The following FBXL15 variants were observed in gnomAD, a reference collection of about 807,000 sequenced individuals.
FBXL15 encodes F-box and leucine rich repeat protein 15, also known as F-box/LRR-repeat protein 15.
A neutral mutation model predicts 23.6 loss-of-function variants in FBXL15; 19 were observed. The ratio of observed to expected loss-of-function variants is 0.81; its 90% CI spans 0.56 to 1.18. The LOEUF is 1.18. Ranked by LOEUF, FBXL15 falls within the 50% of genes most tolerant of loss-of-function variation. The pLI, the probability that FBXL15 is intolerant of heterozygous loss-of-function variation, is 0.00. For synonymous variants in FBXL15, 224 were observed against 207.7 expected (o/e 1.08, Z -0.67); for missense variants, 385 against 425.4 (o/e 0.91, Z 0.83).
rs758914812 is a variant in FBXL15, at chr10:102,422,984, G to T, written c.894G>T (p.Leu298=). The part of the protein sequence containing the change: ...DMAGFAPFVN[L]QV ...CGGGCTTCGCACCTTTTGTCAACCT[G>T]CAGGTCTGACCCGCCTGCCAATCGG... The change falls in exon 4 of 4, where the codon CTG becomes CTT. Residue 298 remains leucine (L), a synonymous_variant. Transcript: ENST00000369956. 2 of 1,553,308 alleles carry T rather than the reference G, an allele frequency of 1.3e-6. No individual in the cohort carries two copies. The highest frequency in any genetic ancestry group is 2.4e-5 in the East Asian group (1 of 41,820).
At position 102,421,968 on chromosome 10, in the gene FBXL15, G is replaced by A. The variant is rs773817228; in HGVS notation, c.389G>A (p.Arg130Gln). Residue 130 changes from arginine to glutamine, a missense_variant, in exon 3 of 4, where the codon CGG (arginine) becomes CAG (glutamine). Arg to Gln is a conservative substitution (Grantham distance 43, BLOSUM62 1). This residue lies in a region of FBXL15 where 255 missense variants were observed against 330.2 expected (regional missense o/e 0.77). Transcript: ENST00000369956. ...ALGGCGQLSR[R>Q]ALGALAEGCP... Reference sequence around the variant, plus strand: ...GGCGGCTGCGGGCAACTGAGTCGCCGGGCGCTTGGGGCTTTGGCCGAGGGC... The same window carrying A: ...GGCGGCTGCGGGCAACTGAGTCGCCAGGCGCTTGGGGCTTTGGCCGAGGGC... 86 of 1,597,538 alleles carry A rather than the reference G, an allele frequency of 5.4e-5. No individual in the cohort carries two copies. In the African/African-American group the frequency reaches 1.0e-3, roughly 19 times the overall value.
Position 102,422,018 on chromosome 10 carries a change from C to A in FBXL15, c.439C>A (p.Leu147Ile). Residue 147 changes from leucine to isoleucine, a missense_variant, in exon 3 of 4, where the codon CTC (leucine) becomes ATC (isoleucine). Coordinates refer to ENST00000369956, the MANE Select transcript of FBXL15 (RefSeq NM_024326.4). Reference sequence around the variant, plus strand: ...CTGCCCACGCCTGCAGCGCCTGTCGCTCGCGCACTGTGACTGGGTGGACGG... The same window carrying A: ...CTGCCCACGCCTGCAGCGCCTGTCGATCGCGCACTGTGACTGGGTGGACGG... ...EGCPRLQRLSLAHCDWVDGLA... is the reference protein window; with the variant it reads ...EGCPRLQRLSIAHCDWVDGLA... 1 of 1,595,522 alleles carries A rather than the reference C, an allele frequency of 6.3e-7. No individual in the cohort carries two copies. Among genetic ancestry groups the A allele is most frequent in the Admixed American group, 1.7e-5 (1 of 59,350 alleles).
Position 102,422,174 on chromosome 10 carries a change from T to A in FBXL15, c.595T>A (p.Ser199Thr), listed in dbSNP as rs2061573116. 6.5e-7 allele frequency: 1 copy of A among 1,542,434 alleles called. No individual in the cohort carries two copies. The highest frequency in any genetic ancestry group is 1.4e-5 in the African/African-American group (1 of 72,804). Residue 199 changes from serine to threonine, a missense_variant, in exon 3 of 4, where the codon TCT becomes ACT. By Grantham distance (58) the Ser-to-Thr change is moderately conservative (BLOSUM62 1). Transcript: ENST00000369956. ...GCGCGGCGCTGGTCTCCGCAGCCTC[T>A]CTCTGGCCGTCAACGCCAACGTGGG... ...QRRGAGLRSL[S>T]LAVNANVGDA...
Position 102,420,968 on chromosome 10 carries a change from C to T in FBXL15, c.-162C>T. ...AATGTTACACCACCGGTCTGTTCCG[C>T]CTCCGTTTCGGGGTCCACCCGAAAA... is the stretch of plus-strand genomic sequence containing the variant. On this transcript the variant is annotated 5_prime_UTR_variant, in exon 1 of 4. Coordinates refer to ENST00000369956, the MANE Select transcript of FBXL15 (RefSeq NM_024326.4). 2.0e-6 allele frequency: 3 copies of T among 1,515,692 alleles called. No homozygotes were observed. The highest frequency in any genetic ancestry group is 1.8e-6 in the Non-Finnish European group (2 of 1,128,896). 93.9% of individuals were successfully genotyped at this position (1,515,692 alleles called of 1,614,324 possible).
Position 102,423,007 on chromosome 10 carries a change from C to T in FBXL15, c.*14C>T, listed in dbSNP as rs1445895258. ...CTGCAGGTCTGACCCGCCTGCCAAT[C>T]GGAGCACAGCTGGACTGTGTGGCTG... On this transcript the variant is annotated 3_prime_UTR_variant, in exon 4 of 4. Coordinates refer to ENST00000369956, the MANE Select transcript of FBXL15 (RefSeq NM_024326.4). The surrounding 1 kb of genome is among the most constrained non-coding windows in gnomAD (Gnocchi z 5.6). 7.8e-6 allele frequency: 12 copies of T among 1,530,882 alleles called. No individual in the cohort carries two copies. Among genetic ancestry groups the T allele is most frequent in the Non-Finnish European group, 1.1e-5 (12 of 1,135,786 alleles). 94.8% of individuals were successfully genotyped at this position (1,530,882 alleles called of 1,614,324 possible). A position where few individuals can be genotyped will look rare whatever the true frequency, so the allele number is the denominator to read the frequency against.
At chr10:102,422,445 C>T (rs966257486) in intron 3 of FBXL15, among the ~76,000 whole-genome samples, 153 bp downstream of exon 3, 2 of 152,234 alleles carry the variant, frequency 1.3e-5, no homozygotes, top group African/African-American at 4.8e-5. Context: ...TCTAGGATTG[C>T]CTAGGCCAGA....
intron 3 of FBXL15, 87 bp downstream of exon 3, chr10:102,422,379 G>T: frequency 7.2e-7 from 1 of 1,384,148 alleles, no homozygotes; most frequent in Non-Finnish European, 9.4e-7. Flanking sequence ...AGGCCGGACT[G>T]AGGGTTCTGA....
At chr10:102,422,397 T>C in intron 3 of FBXL15, 105 bp downstream of exon 3, 2 of 1,313,434 alleles carry the variant, frequency 1.5e-6, no homozygotes, top group Non-Finnish European at 2.0e-6. Context: ...TGAATCTTCC[T>C]GCAAACCACA....
Position 102,421,394 on chromosome 10 carries a change from G to T in FBXL15, c.94G>T (p.Val32Phe). ...LPWEDVLLPH[V>F]LNRVPLRQLL... ...CTGGGAAGACGTGCTGCTCCCACAC[G>T]TCCTGAACCGGGTCCCGCTGCGCCA... Residue 32 changes from valine (V) to phenylalanine (F), a missense_variant, in exon 2 of 4, where the codon GTC (valine) becomes TTC (phenylalanine). Physicochemically the swap from Val to Phe is conservative, Grantham distance 50. This residue lies in a region of FBXL15 where 130 missense variants were observed against 95.1 expected (regional missense o/e 1.37). Coordinates refer to ENST00000369956, the MANE Select transcript of FBXL15 (RefSeq NM_024326.4). 6.3e-7 allele frequency: 1 copy of T among 1,576,302 alleles called. No homozygotes were observed. The highest frequency in any genetic ancestry group is 1.1e-5 in the South Asian group (1 of 87,044).
In FBXL15 at chr10:102,422,822, C is replaced by G; in HGVS notation, c.732C>G (p.Cys244Trp). The G allele has an allele frequency of 6.2e-7, 1 of 1,606,400 alleles. No homozygotes were observed. The highest frequency in any genetic ancestry group is 8.5e-7 in the Non-Finnish European group (1 of 1,179,724). Reference protein sequence around the residue: ...SDGVRTLAEYCPVLRSLRVRH... With the variant: ...SDGVRTLAEYWPVLRSLRVRH... ...CCCTCAGGACATTGGCCGAGTACTGCCCCGTGCTGCGTTCGCTGCGGGTGC... is the reference window on the plus strand; with the variant it reads ...CCCTCAGGACATTGGCCGAGTACTGGCCCGTGCTGCGTTCGCTGCGGGTGC... Residue 244 changes from cysteine to tryptophan, a missense_variant, in exon 4 of 4, where the codon TGC becomes TGG. Coordinates refer to ENST00000369956, the MANE Select transcript of FBXL15 (RefSeq NM_024326.4).
In FBXL15 at chr10:102,422,196, TG is replaced by T; in HGVS notation, c.622del (p.Asp208ThrfsTer56). 1 of 1,536,044 alleles carries T rather than the reference TG, an allele frequency of 6.5e-7. No individual in the cohort carries two copies. Among genetic ancestry groups the T allele is most frequent in the Non-Finnish European group, 8.8e-7 (1 of 1,140,256 alleles). ...RSLSLAVNAN[V>X]GDAAVQELAR... ...CTCTCTCTGGCCGTCAACGCCAACGTGGGGGACGCCGCGGTTCAAGAGTTGG... is the reference window on the plus strand; with the variant it reads ...CTCTCTCTGGCCGTCAACGCCAACGTGGGGACGCCGCGGTTCAAGAGTTGG... On this transcript the variant is annotated frameshift_variant, in exon 3 of 4. Coordinates refer to ENST00000369956, the MANE Select transcript of FBXL15 (RefSeq NM_024326.4). LOFTEE classifies it high-confidence loss of function.
intron 3 of FBXL15, 33 bp from the exon 4 acceptor site, chr10:102,422,771 C>T: frequency 6.3e-7 from 1 of 1,578,520 alleles, no homozygotes; most frequent in Non-Finnish European, 8.6e-7. Context: ...GTGGTGGCCT[C>T]ATGTCCCTAG....
Position 102,422,103 on chromosome 10 carries a change from C to T in FBXL15, c.524C>T (p.Ala175Val). Reference sequence around the variant, plus strand: ...GCCCTGGAGGAGCTGGATCTCACCGCCTGCCGCCAGCTCAAGGACGAGGCC... The same window carrying T: ...GCCCTGGAGGAGCTGGATCTCACCGTCTGCCGCCAGCTCAAGGACGAGGCC... ...CPALEELDLTACRQLKDEAIV... is the reference protein window; with the variant it reads ...CPALEELDLTVCRQLKDEAIV... Residue 175 changes from alanine (A) to valine (V), a missense_variant, in exon 3 of 4, where the codon GCC becomes GTC. By Grantham distance (64) the Ala-to-Val change is moderately conservative. Transcript: ENST00000369956. The T allele has an allele frequency of 6.4e-7, 1 of 1,566,560 alleles. No individual in the cohort carries two copies. The highest frequency in any genetic ancestry group is 2.3e-5 in the East Asian group (1 of 43,440).
At chr10:102,422,429 A>G (rs2061575148) in intron 3 of FBXL15, 137 bp downstream of exon 3, 1 of 1,129,752 alleles carries the variant, frequency 8.9e-7, no homozygotes. Context: ...CTGAACAGAA[A>G]GGGCCTCTAG....
At chr10:102,422,713 A>G in intron 3 of FBXL15, 91 bp from the exon 4 acceptor site, 1 of 1,365,076 alleles carries the variant, frequency 7.3e-7, no homozygotes, top group Non-Finnish European at 9.9e-7. Context: ...TGCCGGAGCC[A>G]GTCCGAGGCT....
chr10:102,421,126 G>A lies in FBXL15; in HGVS notation c.-4G>A, dbSNP rs1245402841. The stretch of plus-strand genomic sequence containing the variant: ...TCTTACTGCGCACGCGCAATAGACA[G>A]CCGATGGAGCCACCGATGGAGCCGT... On this transcript the variant is annotated 5_prime_UTR_variant, in exon 1 of 4. Coordinates refer to ENST00000369956, the MANE Select transcript of FBXL15 (RefSeq NM_024326.4). The A allele has an allele frequency of 1.2e-6, 2 of 1,608,628 alleles. No homozygotes were observed. Among genetic ancestry groups the A allele is most frequent in the East Asian group, 2.2e-5 (1 of 44,766 alleles).
In FBXL15 at chr10:102,422,122, C is replaced by A; in HGVS notation, c.543C>A (p.Asp181Glu). 1 of 1,559,060 alleles carries A rather than the reference C, an allele frequency of 6.4e-7. No homozygotes were observed. Among genetic ancestry groups the A allele is most frequent in the Non-Finnish European group, 8.7e-7 (1 of 1,152,780 alleles). The change falls in exon 3 of 4, where the codon GAC becomes GAA. Residue 181 changes from aspartate (D) to glutamate (E), a missense_variant. By Grantham distance (45) the Asp-to-Glu change is conservative (BLOSUM62 2). Coordinates refer to ENST00000369956, the MANE Select transcript of FBXL15 (RefSeq NM_024326.4). ...LDLTACRQLK[D>E]EAIVYLAQRR... is the part of the protein sequence containing the mutation. Reference sequence around the variant, plus strand: ...TCACCGCCTGCCGCCAGCTCAAGGACGAGGCCATCGTGTACCTGGCGCAGA... The same window carrying A: ...TCACCGCCTGCCGCCAGCTCAAGGAAGAGGCCATCGTGTACCTGGCGCAGA...
chr10:102,421,984 G>T lies in FBXL15; in HGVS notation c.405G>T (p.Leu135Phe). The T allele has an allele frequency of 6.3e-7, 1 of 1,596,114 alleles. No individual in the cohort carries two copies. Residue 135 changes from leucine (L) to phenylalanine (F), a missense_variant, in exon 3 of 4, where the codon TTG becomes TTT. By Grantham distance (22) the Leu-to-Phe change is conservative. Transcript: ENST00000369956. Reference sequence around the variant, plus strand: ...TGAGTCGCCGGGCGCTTGGGGCTTTGGCCGAGGGCTGCCCACGCCTGCAGC... The same window carrying T: ...TGAGTCGCCGGGCGCTTGGGGCTTTTGCCGAGGGCTGCCCACGCCTGCAGC... ...GQLSRRALGA[L>F]AEGCPRLQRL...
At position 102,422,308 on chromosome 10, in the gene FBXL15, A is replaced by G. The variant is rs763439213; in HGVS notation, c.713+16A>G. ...ACGGTGTCAGGTGCCTGGGCCTGATAGGGCGGGAGGAGGGCAGTCACTTAG... is the reference window on the plus strand; with the variant it reads ...ACGGTGTCAGGTGCCTGGGCCTGATGGGGCGGGAGGAGGGCAGTCACTTAG... On this transcript the variant is annotated intron_variant, in intron 3 of 3. Transcript: ENST00000369956. The G allele has an allele frequency of 1.9e-5, 29 of 1,491,588 alleles. No individual in the cohort carries two copies. The East Asian group carries it at 5.7e-4, about 29-fold the overall frequency. The allele number at this position is 1,491,588 out of a possible 1,614,324, so 92.4% of individuals were successfully genotyped here. A position where few individuals can be genotyped will look rare whatever the true frequency, so the allele number is the denominator to read the frequency against.
Sources: allele counts gnomAD v4.1 joint callset (sites outside exome capture counted in the v4.1 genomes callset), GRCh38; gene constraint gnomAD v4.1.1; regional missense constraint gnomAD v4.1.1; non-coding constraint Gnocchi (gnomAD v3.1); transcripts MANE v1.5; gene names NCBI Gene and HGNC (gene_info 2026-07-23, HGNC 2026-07-21).